HIGD2B: variants seen among roughly 807,000 people sequenced by gnomAD.
The protein encoded by HIGD2B is HIG1 domain family member 2B.
For missense variants in HIGD2B, 106 were observed against 67.0 expected (o/e 1.58, Z -2.03); for synonymous variants, 45 against 28.1 (o/e 1.60, Z -1.90).
At chr15:72,682,739 T>A (rs1424382293) in intron 1 of HIGD2B, 1 of 190,746 alleles carries the variant, frequency 5.2e-6, no homozygotes, top group African/African-American at 2.4e-5. Flanking sequence ...CATCCAGATG[T>A]CTAGACAACA....
chr15:72,684,865 C>G (rs1331612134), intron 1 of HIGD2B, among the ~76,000 whole-genome samples: 1 of 152,054 alleles, frequency 6.6e-6, no homozygotes, highest in South Asian at 2.1e-4. Context: ...CTCACTGCAA[C>G]CTCTGCCGCT....
intron 2 of HIGD2B, among the ~76,000 whole-genome samples, chr15:72,677,690 G>T (rs2064707169): frequency 6.6e-6 from 1 of 151,716 alleles, no homozygotes; most frequent in African/African-American, 2.4e-5. Context: ...TGAGCATCCA[G>T]AAGTTGAGGC....
intron 1 of HIGD2B, among the ~76,000 whole-genome samples, 163 bp from the exon 2 acceptor site, chr15:72,680,356 T>C (rs957465588): frequency 6.6e-6 from 1 of 152,208 alleles, no homozygotes; most frequent in Non-Finnish European, 1.5e-5. Flanking sequence ...AGCATATATA[T>C]ATGCCTTTTA....
In HIGD2B at chr15:72,676,350, G is replaced by C. The variant is rs2064691420; in HGVS notation, c.25C>G (p.Pro9Ala). ...TTCGATGATTCAAAGGGGGCCTCCG[G>C]AGTCACAAAGCCGAGAGTCGCCATG... MATLGFVT[P>A]EAPFESSKPP... Residue 9 changes from proline (P) to alanine (A), a missense_variant, in exon 3 of 3, where the codon CCG becomes GCG. By Grantham distance (27) the Pro-to-Ala change is conservative. Transcript: ENST00000311755. The C allele has an allele frequency of 1.3e-5, 10 of 759,816 alleles. 1 individual carries two copies. The East Asian group carries it at 2.4e-4, about 19-fold the overall frequency. 47.1% of individuals were successfully genotyped at this position (759,816 alleles called of 1,614,324 possible).
In HIGD2B at chr15:72,685,942, C is replaced by G; in HGVS notation, c.-317G>C. 1.8e-6 allele frequency: 1 copy of G among 545,182 alleles called. No individual in the cohort carries two copies. The highest frequency in any genetic ancestry group is 2.1e-5 in the South Asian group (1 of 47,892). The allele number at this position is 545,182 out of a possible 1,614,324, so 33.8% of individuals were successfully genotyped here. A position where few individuals can be genotyped will look rare whatever the true frequency, so the allele number is the denominator to read the frequency against. On this transcript the variant is annotated 5_prime_UTR_variant, in exon 1 of 3. Coordinates refer to ENST00000311755, the MANE Select transcript of HIGD2B (RefSeq NM_001350932.3). ...GCTGCCATCCCAGGTGGCTGGCCTA[C>G]CAGCCAGCGCGGCCGGAGGTACAGA...
Position 72,685,871 on chromosome 15 carries a change from A to G in HIGD2B, c.-246T>C. 3 of 410,878 alleles carry G rather than the reference A, an allele frequency of 7.3e-6. No homozygotes were observed. In the South Asian group the frequency reaches 7.4e-5, roughly 10 times the overall value. The allele number at this position is 410,878 out of a possible 1,614,324, so 25.5% of individuals were successfully genotyped here. ...AATCTCCCGGAAGAAGGACTGAATT[A>G]AATGCAGATTAGAGTCAGGGCAGGG... On this transcript the variant is annotated 5_prime_UTR_variant, in exon 1 of 3. Coordinates refer to ENST00000311755, the MANE Select transcript of HIGD2B (RefSeq NM_001350932.3).
Position 72,675,898 on chromosome 15 carries a change from G to GA in HIGD2B, c.*155dup, listed in dbSNP as rs1168645001. ...TCAAACAACAGAATCTGGGATTTTTGAAAAAATCTTTCAGTTATGGTTACA... is the reference window on the plus strand; with the variant it reads ...TCAAACAACAGAATCTGGGATTTTTGAAAAAAATCTTTCAGTTATGGTTACA... On this transcript the variant is annotated 3_prime_UTR_variant, in exon 3 of 3. Coordinates refer to ENST00000311755, the MANE Select transcript of HIGD2B (RefSeq NM_001350932.3). 1 of 578,150 alleles carries GA rather than the reference G, an allele frequency of 1.7e-6. No individual in the cohort carries two copies. The highest frequency in any genetic ancestry group is 3.1e-5 in the Admixed American group (1 of 32,514). The allele number at this position is 578,150 out of a possible 1,614,324, so 35.8% of individuals were successfully genotyped here.
rs2064683292 is a variant in HIGD2B at position 72,675,955 on chromosome 15, G to A, written c.*99C>T. On this transcript the variant is annotated 3_prime_UTR_variant, in exon 3 of 3. Transcript: ENST00000311755. ...GTCACTTCCTCCCCCAACGACACAG[G>A]GACCTCTCAAAGGAGAGGAGAGAGT... 3.3e-6 allele frequency: 2 copies of A among 612,922 alleles called. No homozygotes were observed. Among genetic ancestry groups the A allele is most frequent in the Admixed American group, 2.7e-5 (1 of 36,534 alleles). 38.0% of individuals were successfully genotyped at this position (612,922 alleles called of 1,614,324 possible).
intron 2 of HIGD2B, among the ~76,000 whole-genome samples, chr15:72,678,327 A>C (rs2064714129): frequency 6.6e-6 from 1 of 151,638 alleles, no homozygotes; most frequent in African/African-American, 2.4e-5. Context: ...ACAGGTTCTC[A>C]CTCTGTCACC....
Position 72,686,145 on chromosome 15 carries a change from C to A in HIGD2B, c.-520G>T. On this transcript the variant is annotated 5_prime_UTR_variant, in exon 1 of 3. Coordinates refer to ENST00000311755, the MANE Select transcript of HIGD2B (RefSeq NM_001350932.3). ...CTTCCTTCCCCCGCTTCCTCACAGT[C>A]CTCCACAGCCCTACGACTTCCGCTT... is the stretch of plus-strand genomic sequence containing the variant. The A allele has an allele frequency of 1.4e-6, 2 of 1,407,486 alleles. No individual in the cohort carries two copies. Among genetic ancestry groups the A allele is most frequent in the Non-Finnish European group, 2.0e-6 (2 of 1,023,598 alleles). The allele number at this position is 1,407,486 out of a possible 1,614,324, so 87.2% of individuals were successfully genotyped here.
intron 2 of HIGD2B, among the ~76,000 whole-genome samples, chr15:72,676,759 A>G (rs2064697064): frequency 6.6e-6 from 1 of 152,178 alleles, no homozygotes; most frequent in Non-Finnish European, 1.5e-5. Flanking sequence ...CTTGGAAAGG[A>G]CAAAATTATA....
At chr15:72,677,583 G>A (rs1567383805) in intron 2 of HIGD2B, among the ~76,000 whole-genome samples, 1 of 151,770 alleles carries the variant, frequency 6.6e-6, no homozygotes, top group Non-Finnish European at 1.5e-5. Flanking sequence ...GCAATATAGC[G>A]AGATTCTGTA....
chr15:72,676,328 G>A lies in HIGD2B; in HGVS notation c.47C>T (p.Ser16Leu), dbSNP rs763698110. The change falls in exon 3 of 3, where the codon TCG becomes TTG. Residue 16 changes from serine to leucine, a missense_variant. By Grantham distance (145) the Ser-to-Leu change is moderately radical (BLOSUM62 -2). Coordinates refer to ENST00000311755, the MANE Select transcript of HIGD2B (RefSeq NM_001350932.3). ...AAGCCCCTCAAAGATGGGGGGCTTCGATGATTCAAAGGGGGCCTCCGGAGT... is the reference window on the plus strand; with the variant it reads ...AAGCCCCTCAAAGATGGGGGGCTTCAATGATTCAAAGGGGGCCTCCGGAGT... ...FVTPEAPFES[S>L]KPPIFEGLSP... The A allele has an allele frequency of 3.9e-6, 3 of 761,634 alleles. No individual in the cohort carries two copies. Among genetic ancestry groups the A allele is most frequent in the Non-Finnish European group, 7.2e-6 (3 of 415,414 alleles). 47.2% of individuals were successfully genotyped at this position (761,634 alleles called of 1,614,324 possible). A position where few individuals can be genotyped will look rare whatever the true frequency, so the allele number is the denominator to read the frequency against.
rs150621256 is a variant in HIGD2B at position 72,681,332 on chromosome 15, G to A, written c.-192-1139C>T. On this transcript the variant is annotated intron_variant, in intron 1 of 2. Coordinates refer to ENST00000311755, the MANE Select transcript of HIGD2B (RefSeq NM_001350932.3). ...GGTTTTCCTCCTTTGGAGGCGTAGAGTCAGAACTCTCATGGCATGGCAGGA... is the reference window on the plus strand; with the variant it reads ...GGTTTTCCTCCTTTGGAGGCGTAGAATCAGAACTCTCATGGCATGGCAGGA... Among the ~76,000 whole-genome samples the A allele has an allele frequency of 1.3e-3, 196 of 152,294 alleles. 1 individual carries two copies. The highest frequency in any genetic ancestry group is 4.6e-3 in the African/African-American group (192 of 41,572).
In HIGD2B at chr15:72,680,885, A is replaced by G. The variant is rs186672216; in HGVS notation, c.-192-692T>C. 2.0e-5 allele frequency among the ~76,000 whole-genome samples: 3 copies of G among 152,224 alleles called. No homozygotes were observed. The East Asian group carries it at 5.8e-4, about 29-fold the overall frequency. ...GTGACAGAGTGAAATTCTGTCTCAAAAAAAAACAAAAGTGCTGTATTGAGG... is the reference window on the plus strand; with the variant it reads ...GTGACAGAGTGAAATTCTGTCTCAAGAAAAAACAAAAGTGCTGTATTGAGG... On this transcript the variant is annotated intron_variant, in intron 1 of 2. Transcript: ENST00000311755.
chr15:72,678,110 C>T lies in HIGD2B; in HGVS notation c.-13-1723G>A, dbSNP rs144305771. On this transcript the variant is annotated intron_variant, in intron 2 of 2. Transcript: ENST00000311755. ...GGAGTTACAAGAGGGAAGAGGTACTCATAGAATCCTGGATTTCTAAAACAC... is the reference window on the plus strand; with the variant it reads ...GGAGTTACAAGAGGGAAGAGGTACTTATAGAATCCTGGATTTCTAAAACAC... 4.5e-3 allele frequency among the ~76,000 whole-genome samples: 682 copies of T among 152,296 alleles called. 9 individuals carry two copies. The highest frequency in any genetic ancestry group is 0.016 in the African/African-American group (661 of 41,562).
rs78423981 is a variant in HIGD2B at position 72,679,120 on chromosome 15, T to C, written c.-14+895A>G. Among the ~76,000 whole-genome samples, 1,345 of 151,212 alleles carry C rather than the reference T, an allele frequency of 8.9e-3. 15 individuals are homozygous for C. Among genetic ancestry groups the C allele is most frequent in the African/African-American group, 0.031 (1,275 of 41,196 alleles). Reference sequence around the variant, plus strand: ...GCGTAGTGGCTCACGCCTGTAATCCTAGGACTTTCGAGGTGGGCAGATCAC... The same window carrying C: ...GCGTAGTGGCTCACGCCTGTAATCCCAGGACTTTCGAGGTGGGCAGATCAC... On this transcript the variant is annotated intron_variant, in intron 2 of 2. Coordinates refer to ENST00000311755, the MANE Select transcript of HIGD2B (RefSeq NM_001350932.3).
intron 1 of HIGD2B, among the ~76,000 whole-genome samples, chr15:72,684,475 A>G (rs1270199358): frequency 6.6e-6 from 1 of 152,002 alleles, no homozygotes; most frequent in African/African-American, 2.4e-5. Flanking sequence ...ATCAATAGTG[A>G]GACCCCTGCC....
intron 2 of HIGD2B, among the ~76,000 whole-genome samples, chr15:72,677,457 T>A (rs948862089): frequency 6.6e-6 from 1 of 151,352 alleles, no homozygotes; most frequent in African/African-American, 2.4e-5. Flanking sequence ...GGAAAGAGAC[T>A]GCATGTAAAT....
Sources: allele counts gnomAD v4.1 joint callset (sites outside exome capture counted in the v4.1 genomes callset), GRCh38; gene constraint gnomAD v4.1.1; transcripts MANE v1.5; gene names NCBI Gene and HGNC (gene_info 2026-07-23, HGNC 2026-07-21).